The following NRG1 variants were observed in gnomAD, a reference collection of about 807,000 sequenced individuals.
NRG1 encodes the protein pro-neuregulin-1, membrane-bound isoform.
NRG1 carries 18 observed loss-of-function variants against 63.8 expected under a neutral mutation model. That is an observed-to-expected ratio of 0.28 (90% CI 0.19 to 0.42). NRG1 has a LOEUF of 0.42. Among genes scored for constraint, NRG1 ranks in the 10% least tolerant of loss-of-function variants. The pLI is 1.00. For synonymous variants in NRG1, 302 were observed against 301.3 expected (o/e 1.00, Z -0.02); for missense variants, 762 against 814.7 (o/e 0.94, Z 0.79).
chr8:31,914,032 T>G (rs939620744), intron 1 of NRG1, among the ~76,000 whole-genome samples: 3 of 152,112 alleles, frequency 2.0e-5, no homozygotes, highest in African/African-American at 7.2e-5. Context: ...GTAAAACATC[T>G]CTCATCCCAT....
chr8:31,750,199 T>C (rs1816309647), intron 1 of NRG1, among the ~76,000 whole-genome samples: 1 of 151,936 alleles, frequency 6.6e-6, no homozygotes, highest in Non-Finnish European at 1.5e-5. Flanking sequence ...TTCGTAAGAC[T>C]GTGGAGCCAT....
At chr8:32,109,586 T>A (rs2131432436) in intron 1 of NRG1, among the ~76,000 whole-genome samples, 1 of 152,172 alleles carries the variant, frequency 6.6e-6, no homozygotes, top group Non-Finnish European at 1.5e-5. Flanking sequence ...TAGTCCACAA[T>A]TAGAATCACC....
At chr8:31,833,061 C>G (rs191972831) in intron 1 of NRG1, among the ~76,000 whole-genome samples, 72 of 152,062 alleles carry the variant, frequency 4.7e-4, no homozygotes, top group Non-Finnish European at 8.4e-4. Context: ...TACCTACCAC[C>G]TCTTACCTTT....
chr8:32,724,133 G>C (rs1821436472), intron 5 of NRG1, among the ~76,000 whole-genome samples: 2 of 152,190 alleles, frequency 1.3e-5, no homozygotes. Flanking sequence ...GACATACCAA[G>C]GAAAGTGTGT....
chr8:32,415,103 A>C lies in NRG1; in HGVS notation c.38-180725A>C, dbSNP rs554772736. Among the ~76,000 whole-genome samples the C allele has an allele frequency of 2.0e-5, 3 of 152,240 alleles. No individual in the cohort carries two copies. In the South Asian group the frequency reaches 6.2e-4, roughly 32 times the overall value. The stretch of plus-strand genomic sequence containing the variant: ...TTCTGTAGTGTATTTCTGTGGGGGA[A>C]TGTGTTCTATAGAAGGCAGGTTTCA... On this transcript the variant is annotated intron_variant, in intron 1 of 10. Transcript: ENST00000519301.
chr8:32,562,086 G>A (rs1054642324), intron 1 of NRG1, among the ~76,000 whole-genome samples: 4 of 152,136 alleles, frequency 2.6e-5, no homozygotes, highest in African/African-American at 9.7e-5. Flanking sequence ...CCCTCAGGAA[G>A]ACACAGATCC....
chr8:32,495,267 C>T (rs1053722123), intron 1 of NRG1, among the ~76,000 whole-genome samples: 1 of 152,114 alleles, frequency 6.6e-6, no homozygotes, highest in Non-Finnish European at 1.5e-5. Context: ...TTGTGATAGT[C>T]AATAAGTCTC....
At chr8:31,938,552 A>G (rs1238138602) in intron 1 of NRG1, among the ~76,000 whole-genome samples, 2 of 152,190 alleles carry the variant, frequency 1.3e-5, no homozygotes, top group Non-Finnish European at 2.9e-5. Context: ...GATCCAAACC[A>G]AGATGAAATC....
chr8:32,491,022 C>G (rs181003760), intron 1 of NRG1, among the ~76,000 whole-genome samples: 1 of 152,224 alleles, frequency 6.6e-6, no homozygotes, highest in African/African-American at 2.4e-5. Context: ...TACAAATGTT[C>G]TTGAGAGAAC....
intron 1 of NRG1, among the ~76,000 whole-genome samples, chr8:31,826,814 A>T (rs536927535): frequency 6.6e-6 from 1 of 152,362 alleles, no homozygotes; most frequent in African/African-American, 2.4e-5. Context: ...TTCATTTGAG[A>T]GAGAAGCAGT....
intron 5 of NRG1, among the ~76,000 whole-genome samples, chr8:32,626,669 G>T (rs555390423): frequency 6.7e-6 from 1 of 149,982 alleles, no homozygotes; most frequent in Non-Finnish European, 1.5e-5. Context: ...GACAGAGCAA[G>T]ACTCATCTCA....
intron 1 of NRG1, among the ~76,000 whole-genome samples, chr8:32,116,862 G>T (rs562789532): frequency 6.6e-6 from 1 of 151,090 alleles, no homozygotes; most frequent in Non-Finnish European, 1.5e-5. Context: ...TGAATTCCAG[G>T]CCAGGTGCAG....
chr8:31,763,283 T>C (rs139935546), intron 1 of NRG1, among the ~76,000 whole-genome samples: 7 of 152,364 alleles, frequency 4.6e-5, no homozygotes, highest in African/African-American at 1.7e-4. Context: ...TTTCATTAAA[T>C]GCATATATGA....
chr8:32,748,339 G>GCGCGCACACACACA (rs1207515428), intron 7 of NRG1, among the ~76,000 whole-genome samples: 3 of 128,354 alleles, frequency 2.3e-5, no homozygotes, highest in African/African-American at 2.8e-5. Flanking sequence ...GCGCGCGCGC[G>GCGCGCACACACACA]CACACACACA....
At chr8:32,030,573 T>A (rs1012293915) in intron 1 of NRG1, 2 of 152,164 alleles carry the variant, frequency 1.3e-5, no homozygotes, top group Non-Finnish European at 2.9e-5. Flanking sequence ...TGATTTTTTT[T>A]AAACCTATTA....
At chr8:32,298,714 C>CAA (rs760147959) in intron 1 of NRG1, among the ~76,000 whole-genome samples, 3 of 90,934 alleles carry the variant, frequency 3.3e-5, no homozygotes, top group African/African-American at 4.5e-5. Flanking sequence ...AACTCAGTCT[C>CAA]AAAAAAAAAA....
At chr8:31,655,426 G>A (rs911120569) in intron 1 of NRG1, among the ~76,000 whole-genome samples, 1 of 152,138 alleles carries the variant, frequency 6.6e-6, no homozygotes, top group Non-Finnish European at 1.5e-5. Context: ...TGAGAAAGAA[G>A]CATTTCTGTT....
chr8:32,758,717 G>A (rs1830130842), intron 9 of NRG1, among the ~76,000 whole-genome samples: 1 of 151,628 alleles, frequency 6.6e-6, no homozygotes, highest in South Asian at 2.1e-4. Context: ...GACAACAATT[G>A]TTAAGTCCCT....
At chr8:32,004,189 A>G (rs1813382079) in intron 1 of NRG1, among the ~76,000 whole-genome samples, 1 of 151,924 alleles carries the variant, frequency 6.6e-6, no homozygotes, top group African/African-American at 2.4e-5. Flanking sequence ...CCATGGAGAC[A>G]ATAAAAAAGA....
Sources: allele counts gnomAD v4.1 joint callset (sites outside exome capture counted in the v4.1 genomes callset), GRCh38; gene constraint gnomAD v4.1.1; transcripts MANE v1.5; gene names NCBI Gene and HGNC (gene_info 2026-07-23, HGNC 2026-07-21).